TGFBR2: variants seen among roughly 807,000 people sequenced by gnomAD.
TGFBR2 encodes the protein TGF-beta receptor type-2.
In TGFBR2, 18 loss-of-function variants were observed where a neutral mutation model predicts 49.0. That is an observed-to-expected ratio of 0.37 (90% CI 0.25 to 0.54). TGFBR2 has a LOEUF of 0.54. Among genes scored for constraint, TGFBR2 ranks in the 20% least tolerant of loss-of-function variants. The probability of loss-of-function intolerance (pLI) is 0.85; values close to 1 mark genes in which losing one functional copy is unlikely to be tolerated. For missense variants in TGFBR2, 525 were observed against 722.6 expected (o/e 0.73, Z 3.13); for synonymous variants, 282 against 275.9 (o/e 1.02, Z -0.22).
rs192037663 is a variant in TGFBR2 at position 30,621,407 on chromosome 3, A to C, written c.94+14430A>C. On this transcript the variant is annotated intron_variant, in intron 1 of 6. Transcript: ENST00000295754. ...GTTATTCTCCTGCCTCAGCCTCCCGAGTAGCTGGGATTGTAGGTGCCCACT... is the reference window on the plus strand; with the variant it reads ...GTTATTCTCCTGCCTCAGCCTCCCGCGTAGCTGGGATTGTAGGTGCCCACT... Among the ~76,000 whole-genome samples the C allele has an allele frequency of 1.9e-3, 286 of 147,932 alleles. 6 individuals are homozygous for C. Among genetic ancestry groups the C allele is most frequent in the Non-Finnish European group, 1.9e-4 (13 of 67,526 alleles).
chr3:30,650,308 G>A lies in TGFBR2; in HGVS notation c.302G>A (p.Cys101Tyr), dbSNP rs144137785. The A allele has an allele frequency of 1.2e-6, 2 of 1,613,760 alleles. No individual in the cohort carries two copies. The highest frequency in any genetic ancestry group is 1.3e-5 in the African/African-American group (1 of 74,846). ...NDENITLETV[C>Y]HDPKLPYHDF... ...GAGAACATAACACTAGAGACAGTTT[G>A]CCATGACCCCAAGCTCCCCTACCAT... Residue 101 changes from cysteine to tyrosine, a missense_variant, in exon 3 of 7, where the codon TGC (cysteine) becomes TAC (tyrosine). Cys to Tyr is a radical substitution (Grantham distance 194). Coordinates refer to ENST00000295754, the MANE Select transcript of TGFBR2 (RefSeq NM_003242.6).
At chr3:30,607,373 C>T (rs975931089) in intron 1 of TGFBR2, among the ~76,000 whole-genome samples, 3 of 152,230 alleles carry the variant, frequency 2.0e-5, no homozygotes, top group African/African-American at 7.2e-5. Flanking sequence ...GGCCACTCCG[C>T]CCATGGCGAT....
At chr3:30,683,041 G>A (rs931531484) in intron 5 of TGFBR2, among the ~76,000 whole-genome samples, 7 of 152,176 alleles carry the variant, frequency 4.6e-5, no homozygotes, top group African/African-American at 1.7e-4. Context: ...GTAATAAAGT[G>A]CACAATTCTA....
Position 30,691,992 on chromosome 3 carries a change from A to G in TGFBR2, c.*393A>G, listed in dbSNP as rs1193981725. ...TGAAAAGAGACAAGGAAAAACATCA[A>G]ATATTCCCAGGAAATTGGTTTTATT... is the stretch of plus-strand genomic sequence containing the variant. On this transcript the variant is annotated 3_prime_UTR_variant, in exon 7 of 7. Coordinates refer to ENST00000295754, the MANE Select transcript of TGFBR2 (RefSeq NM_003242.6). 3 of 220,930 alleles carry G rather than the reference A, an allele frequency of 1.4e-5. No individual in the cohort carries two copies. The highest frequency in any genetic ancestry group is 1.8e-4 in the South Asian group (1 of 5,448). 13.7% of individuals were successfully genotyped at this position (220,930 alleles called of 1,614,324 possible).
chr3:30,657,079 G>C (rs1237031307), intron 3 of TGFBR2, among the ~76,000 whole-genome samples: 1 of 152,210 alleles, frequency 6.6e-6, no homozygotes, highest in Non-Finnish European at 1.5e-5. Context: ...TCTCCAGAGA[G>C]GAGCTGGGAT....
intron 2 of TGFBR2, among the ~76,000 whole-genome samples, chr3:30,648,451 CACACACACA>C (rs1698815071): frequency 6.1e-5 from 8 of 131,998 alleles, no homozygotes; most frequent in East Asian, 5.1e-4. Context: ...CACACACACA[CACACACACA>C]CAAAACTGTG....
Position 30,626,078 on chromosome 3 carries a change from A to G in TGFBR2, c.95-18669A>G, listed in dbSNP as rs549865751. On this transcript the variant is annotated intron_variant, in intron 1 of 6. Transcript: ENST00000295754. ...CATTGCCCTGGGGTAGGACTTTGGC[A>G]TCATTATTGTTTTAAAAGATCCCCA... Among the ~76,000 whole-genome samples, 7 of 152,352 alleles carry G rather than the reference A, an allele frequency of 4.6e-5. No homozygotes were observed. The South Asian group carries it at 1.4e-3, about 32-fold the overall frequency.
intron 3 of TGFBR2, among the ~76,000 whole-genome samples, chr3:30,668,567 C>T (rs1271778473): frequency 1.3e-5 from 2 of 151,392 alleles, no homozygotes; most frequent in Non-Finnish European, 2.9e-5. Context: ...GTCCATACAT[C>T]TCCACAAGAG....
intron 3 of TGFBR2, among the ~76,000 whole-genome samples, chr3:30,651,174 T>C (rs1698877627): frequency 6.6e-6 from 1 of 152,240 alleles, no homozygotes; most frequent in Admixed American, 6.5e-5. Context: ...CAGTGGTTTT[T>C]AATTACAAAA....
At chr3:30,668,656 T>G (rs1699285564) in intron 3 of TGFBR2, among the ~76,000 whole-genome samples, 1 of 152,212 alleles carries the variant, frequency 6.6e-6, no homozygotes, top group Admixed American at 6.5e-5. Flanking sequence ...TTGCCTGTTC[T>G]TTGTCCCAAT....
rs528412365 is a variant in TGFBR2 at position 30,686,625 on chromosome 3, C to T, written c.1397-1759C>T. ...TGTCATCTTGCCATGAAAGCTTCTT[C>T]AATTCGTTACCTAGAAGTGCAAATG... On this transcript the variant is annotated intron_variant, in intron 5 of 6. Transcript: ENST00000295754. Among the ~76,000 whole-genome samples the T allele has an allele frequency of 3.3e-5, 5 of 152,320 alleles. No individual in the cohort carries two copies. The South Asian group carries it at 1.0e-3, about 32-fold the overall frequency.
chr3:30,621,658 C>T (rs566235647), intron 1 of TGFBR2, among the ~76,000 whole-genome samples: 5 of 152,294 alleles, frequency 3.3e-5, no homozygotes, highest in African/African-American at 1.2e-4. Context: ...TTTAATTTAG[C>T]ATGTCATTGG....
At chr3:30,662,954 TAG>T (rs1699161403) in intron 3 of TGFBR2, among the ~76,000 whole-genome samples, 1 of 151,610 alleles carries the variant, frequency 6.6e-6, no homozygotes. Flanking sequence ...CTTTTAAATG[TAG>T]ATTCTGATTC....
At chr3:30,607,555 C>T (rs1473305137) in intron 1 of TGFBR2, among the ~76,000 whole-genome samples, 1 of 152,114 alleles carries the variant, frequency 6.6e-6, no homozygotes, top group Non-Finnish European at 1.5e-5. Context: ...GCTGGCTCCA[C>T]TGACGCCTTG....
chr3:30,617,694 C>T (rs1467998278), intron 1 of TGFBR2, among the ~76,000 whole-genome samples: 1 of 152,116 alleles, frequency 6.6e-6, no homozygotes, highest in East Asian at 1.9e-4. Flanking sequence ...AGCATTCTGA[C>T]CCCGAAAATG....
rs7641882 is a variant in TGFBR2, at chr3:30,613,149, T to C, written c.94+6172T>C. ...TGCAGCTCTTTTTTTTTTTTTTTTT[T>C]CTTCTCTTTTCTGAGGGAATATTTT... On this transcript the variant is annotated intron_variant, in intron 1 of 6. Transcript: ENST00000295754. Among the ~76,000 whole-genome samples the C allele has an allele frequency of 1.9e-3, 235 of 126,292 alleles. 2 individuals are homozygous for C. Among genetic ancestry groups the C allele is most frequent in the Middle Eastern group, 4.2e-3 (1 of 240 alleles). The allele number at this position is 126,292 out of a possible 152,430, so 82.9% of individuals were successfully genotyped here.
intron 1 of TGFBR2, among the ~76,000 whole-genome samples, chr3:30,641,404 G>T (rs1299973216): frequency 6.6e-6 from 1 of 152,154 alleles, no homozygotes; most frequent in Admixed American, 6.5e-5. Flanking sequence ...TAAAACAAAG[G>T]TTGGAATGTA....
chr3:30,651,712 A>G (rs1698890086), intron 3 of TGFBR2, among the ~76,000 whole-genome samples: 1 of 152,228 alleles, frequency 6.6e-6, no homozygotes, highest in Non-Finnish European at 1.5e-5. Flanking sequence ...GCAGATTGCC[A>G]GAAGTGAAAT....
In TGFBR2 at chr3:30,676,979, G is replaced by T. The variant is rs1173629141; in HGVS notation, c.1396+2733G>T. ...CAGTTCCAAAATGAATCTTTAGCCG[G>T]GTATGAGTTGTATCAGAGACAATGC... On this transcript the variant is annotated intron_variant, in intron 5 of 6. Transcript: ENST00000295754. This position sits in a 1 kb window ranked among gnomAD's most constrained non-coding sequence, Gnocchi z 4.3. Among the ~76,000 whole-genome samples the T allele has an allele frequency of 6.6e-6, 1 of 152,074 alleles. No individual in the cohort carries two copies. Among genetic ancestry groups the T allele is most frequent in the Non-Finnish European group, 1.5e-5 (1 of 68,026 alleles).
Sources: allele counts gnomAD v4.1 joint callset (sites outside exome capture counted in the v4.1 genomes callset), GRCh38; gene constraint gnomAD v4.1.1; non-coding constraint Gnocchi (gnomAD v3.1); transcripts MANE v1.5; gene names NCBI Gene and HGNC (gene_info 2026-07-23, HGNC 2026-07-21).